The following SDHA variants were observed in gnomAD, a reference collection of about 807,000 sequenced individuals.
SDHA encodes succinate dehydrogenase complex flavoprotein subunit A, also known as succinate dehydrogenase [ubiquinone] flavoprotein subunit, mitochondrial.
In SDHA, 48 loss-of-function variants were observed where a neutral mutation model predicts 78.4. The observed-to-expected ratio is 0.61, with a 90% CI of 0.49 to 0.78. SDHA has a LOEUF of 0.78. Among genes scored for constraint, SDHA ranks in the 30% least tolerant of loss-of-function variants. SDHA has a pLI of 0.00. For synonymous variants in SDHA, 326 were observed against 353.9 expected (o/e 0.92, Z 0.88); for missense variants, 680 against 892.7 (o/e 0.76, Z 3.04).
rs1462298676 is a variant in SDHA at position 237,777 on chromosome 5, G to C, written c.1432+1178G>C. ...TATAAACGTGCCCCCTTTTGTATCT[G>C]TAGTTAGAAAGGTGCAGATAGTATT... On this transcript the variant is annotated intron_variant, in intron 10 of 14. Transcript: ENST00000264932. 4.4e-5 allele frequency among the ~76,000 whole-genome samples: 6 copies of C among 136,848 alleles called. No homozygotes were observed. In the East Asian group the frequency reaches 9.7e-4, roughly 22 times the overall value. The allele number at this position is 136,848 out of a possible 152,430, so 89.8% of individuals were successfully genotyped here. A position where few individuals can be genotyped will look rare whatever the true frequency, so the allele number is the denominator to read the frequency against.
At position 256,823 on chromosome 5, in the gene SDHA, CTTTTCTT is replaced by C. The variant is rs1216664215; in HGVS notation, c.*408_*414del. ...TTTGTATAGTTTCTTTTTTCTTTTT[CTTTTCTT>C]TTTTTTTTTTGAGACAGGATCGGTG... On this transcript the variant is annotated 3_prime_UTR_variant, in exon 15 of 15. Coordinates refer to ENST00000264932, the MANE Select transcript of SDHA (RefSeq NM_004168.4). 5.7e-5 allele frequency: 13 copies of C among 227,808 alleles called. 1 individual carries two copies. The highest frequency in any genetic ancestry group is 1.3e-4 in the African/African-American group (5 of 37,992). 14.1% of individuals were successfully genotyped at this position (227,808 alleles called of 1,614,324 possible).
downstream of SDHA, among the ~76,000 whole-genome samples, chr5:259,379 A>C (rs1384061871): frequency 3.3e-5 from 2 of 60,058 alleles, no homozygotes; most frequent in African/African-American, 2.3e-4. Flanking sequence ...CCCCCGCCAC[A>C]GCATTACCGT....
Position 227,976 on chromosome 5 carries a change from C to T in SDHA, c.622-209C>T, listed in dbSNP as rs1413877464. 16 of 560,088 alleles carry T rather than the reference C, an allele frequency of 2.9e-5. 1 individual carries two copies. The highest frequency in any genetic ancestry group is 3.9e-5 in the South Asian group (2 of 51,366). The allele number at this position is 560,088 out of a possible 1,614,324, so 34.7% of individuals were successfully genotyped here. A position where few individuals can be genotyped will look rare whatever the true frequency, so the allele number is the denominator to read the frequency against. ...ACCAAAATAGGAGCTGTTGCTGCTG[C>T]GTTCTCTAGCACACCTGCCTTGTCT... is the stretch of plus-strand genomic sequence containing the variant. On this transcript the variant is annotated intron_variant, in intron 5 of 14. Transcript: ENST00000264932.
At chr5:241,674 T>C (rs1736150368) in intron 11 of SDHA, among the ~76,000 whole-genome samples, 1 of 152,270 alleles carries the variant, frequency 6.6e-6, no homozygotes, top group Admixed American at 6.5e-5. Context: ...CAAGAATTTC[T>C]GTGTATTTTC....
chr5:240,606 G>A (rs1331734727), intron 11 of SDHA, 130 bp downstream of exon 11: 3 of 719,218 alleles, frequency 4.2e-6, no homozygotes, highest in African/African-American at 1.8e-5. Context: ...GGGAGGTGGT[G>A]GAGTCTGGGC....
intron 6 of SDHA, among the ~76,000 whole-genome samples, 156 bp from the exon 7 acceptor site, chr5:230,720 T>C (rs113561013): frequency 0.11 from 16,742 of 152,114 alleles, 2,955 homozygotes; most frequent in African/African-American, 0.37. Flanking sequence ...GCGCGGCCCC[T>C]AGTGATATGT....
At chr5:230,041 T>C (rs1735294385) in intron 6 of SDHA, among the ~76,000 whole-genome samples, 1 of 152,122 alleles carries the variant, frequency 6.6e-6, no homozygotes, top group Non-Finnish European at 1.5e-5. Context: ...GCATGGTGGC[T>C]ATCGTTAATA....
the SDHA span, among the ~76,000 whole-genome samples, chr5:267,909 C>A: frequency 1.3e-5 from 2 of 152,188 alleles, no homozygotes; most frequent in Non-Finnish European, 2.9e-5. Context: ...TCTGCTGTAG[C>A]TTTGTCCCCT....
intron 1 of SDHA, among the ~76,000 whole-genome samples, chr5:218,833 C>T (rs553567187): frequency 9.7e-4 from 148 of 152,258 alleles, no homozygotes; most frequent in African/African-American, 3.3e-3. Context: ...CTGGGCTGGG[C>T]CTCTGCCGCC....
Position 240,370 on chromosome 5 carries a change from CT to C in SDHA, c.1446del (p.Pro483GlnfsTer12). ...EESCRPGDKV[P>X]PIKPNAGEES... ...TTTTTTGTTTTAGGAGATAAAGTCC[CT>C]CCAATTAAACCAAACGCTGGGGAAG... is the stretch of plus-strand genomic sequence containing the variant. On this transcript the variant is annotated frameshift_variant, in exon 11 of 15. Coordinates refer to ENST00000264932, the MANE Select transcript of SDHA (RefSeq NM_004168.4). 6.3e-7 allele frequency: 1 copy of C among 1,597,786 alleles called. No individual in the cohort carries two copies. Among genetic ancestry groups the C allele is most frequent in the Non-Finnish European group, 8.6e-7 (1 of 1,166,150 alleles).
chr5:242,130 A>C (rs1001743828), intron 11 of SDHA, among the ~76,000 whole-genome samples: 1 of 152,160 alleles, frequency 6.6e-6, no homozygotes, highest in African/African-American at 2.4e-5. Flanking sequence ...TCCGTTGGGG[A>C]AGGGATTTTT....
At chr5:257,677 C>A (rs1360180453), downstream of SDHA, among the ~76,000 whole-genome samples, 2 of 120,926 alleles carry the variant, frequency 1.7e-5, no homozygotes, top group Non-Finnish European at 3.2e-5. Context: ...GCTCCACCCC[C>A]TGCCAGAGCA....
the SDHA span, among the ~76,000 whole-genome samples, chr5:265,936 C>A: frequency 6.6e-6 from 1 of 151,588 alleles, no homozygotes; most frequent in Admixed American, 6.6e-5. Flanking sequence ...CCTGGGGGAA[C>A]CCTACCCCAG....
At chr5:266,475 G>T in the SDHA span, among the ~76,000 whole-genome samples, 1 of 152,070 alleles carries the variant, frequency 6.6e-6, no homozygotes, top group African/African-American at 2.4e-5. Context: ...ACTGGGCAGT[G>T]GGTGGTCTGG....
At chr5:233,971 GT>G (rs922681785) in intron 8 of SDHA, 1 of 364,264 alleles carries the variant, frequency 2.7e-6, no homozygotes, top group Non-Finnish European at 5.2e-6. Context: ...ACCCACAGAT[GT>G]TTTTTGGCAG....
intron 11 of SDHA, among the ~76,000 whole-genome samples, chr5:241,018 G>T (rs1347411800): frequency 1.3e-5 from 2 of 152,038 alleles, no homozygotes; most frequent in Non-Finnish European, 2.9e-5. Context: ...GTAAACAGCG[G>T]TAGGACGTAC....
chr5:248,672 G>A (rs1478199459), intron 11 of SDHA, among the ~76,000 whole-genome samples: 9 of 152,128 alleles, frequency 5.9e-5, no homozygotes, highest in Admixed American at 2.6e-4. Context: ...GAAAATGAAC[G>A]TACATGTTTG....
rs568308542 is a variant in SDHA, at chr5:235,827, G to A, written c.1260+488G>A. On this transcript the variant is annotated intron_variant, in intron 9 of 14. Coordinates refer to ENST00000264932, the MANE Select transcript of SDHA (RefSeq NM_004168.4). Reference sequence around the variant, plus strand: ...CCTGCCGTGCTCCTGGGTCTGAGCCGGAGCACAGGTGGTGAGGGCCCCGGG... The same window carrying A: ...CCTGCCGTGCTCCTGGGTCTGAGCCAGAGCACAGGTGGTGAGGGCCCCGGG... 1.5e-5 allele frequency: 4 copies of A among 267,260 alleles called. No individual in the cohort carries two copies. The Admixed American group carries it at 1.5e-4, about 10-fold the overall frequency. 16.6% of individuals were successfully genotyped at this position (267,260 alleles called of 1,614,324 possible).
the SDHA span, among the ~76,000 whole-genome samples, chr5:262,331 C>T: frequency 1.9e-3 from 126 of 67,196 alleles, 17 homozygotes; most frequent in African/African-American, 0.011. Context: ...AGAGCATTAC[C>T]GTGTGAGCTC....
Sources: allele counts gnomAD v4.1 joint callset (sites outside exome capture counted in the v4.1 genomes callset), GRCh38; gene constraint gnomAD v4.1.1; transcripts MANE v1.5; gene names NCBI Gene and HGNC (gene_info 2026-07-23, HGNC 2026-07-21).